NAV3: variants seen among roughly 807,000 people sequenced by gnomAD.
The protein encoded by NAV3 is neuron navigator 3.
A neutral mutation model predicts 244.7 loss-of-function variants in NAV3; 87 were observed. The observed-to-expected ratio is 0.36, with a 90% CI of 0.30 to 0.42. The LOEUF (loss-of-function observed/expected upper bound fraction) is 0.42. Ranked by LOEUF, NAV3 falls within the 20% of genes least tolerant of loss-of-function variation. The probability of loss-of-function intolerance (pLI) is 1.00; values close to 1 mark genes in which losing one functional copy is unlikely to be tolerated. For missense variants in NAV3, 2,663 were observed against 2,893.3 expected, an observed-to-expected ratio of 0.92 and a Z score of 1.83; for synonymous variants, 1,126 against 1,042.2, an observed-to-expected ratio of 1.08 and a Z score of -1.55.
chr12:77,725,989 C>T (rs1041725293), intron 2 of NAV3, among the ~76,000 whole-genome samples: 3 of 151,968 alleles, frequency 2.0e-5, no homozygotes, highest in East Asian at 1.9e-4. Flanking sequence ...TTCTCCACAC[C>T]GAAAGAACAC....
At chr12:78,162,390 A>G (rs1333013827) in intron 23 of NAV3, among the ~76,000 whole-genome samples, 1 of 152,094 alleles carries the variant, frequency 6.6e-6, no homozygotes, top group Non-Finnish European at 1.5e-5. Context: ...CAATATAGAT[A>G]TAGAATGATA....
chr12:77,733,797 G>A (rs897505457), intron 2 of NAV3, among the ~76,000 whole-genome samples: 6 of 143,414 alleles, frequency 4.2e-5, no homozygotes, highest in Non-Finnish European at 3.0e-5. Context: ...CCACTCAACT[G>A]TTTGATAATT....
chr12:78,189,723 A>G (rs538205592), intron 33 of NAV3, among the ~76,000 whole-genome samples: 1 of 152,056 alleles, frequency 6.6e-6, no homozygotes, highest in South Asian at 2.1e-4. Flanking sequence ...AACATAAATG[A>G]AAACAAGAAG....
Position 77,873,679 on chromosome 12 carries a change from G to GTGTGTATATATA in NAV3, c.243+41976_243+41977insGTGTATATATAT, listed in dbSNP as rs540390004. Among the ~76,000 whole-genome samples, 405 of 107,222 alleles carry GTGTGTATATATA rather than the reference G, an allele frequency of 3.8e-3. 14 individuals are homozygous for GTGTGTATATATA. Among genetic ancestry groups the GTGTGTATATATA allele is most frequent in the South Asian group, 7.1e-3 (20 of 2,830 alleles). The allele number at this position is 107,222 out of a possible 152,430, so 70.3% of individuals were successfully genotyped here. A position where few individuals can be genotyped will look rare whatever the true frequency, so the allele number is the denominator to read the frequency against. On this transcript the variant is annotated intron_variant, in intron 1 of 39. Coordinates refer to ENST00000397909, the MANE Select transcript of NAV3 (RefSeq NM_001024383.2). ...TTATATATATACATGATTTGTATGT[G>GTGTGTATATATA]TATATATATATATATATATATATAT...
intron 34 of NAV3, among the ~76,000 whole-genome samples, chr12:78,193,086 G>T (rs1342567210): frequency 6.6e-6 from 1 of 152,184 alleles, no homozygotes; most frequent in Non-Finnish European, 1.5e-5. Context: ...CGCATTTTAT[G>T]CTGTGCCATA....
chr12:78,148,970 A>G, intron 22 of NAV3, 51 bp downstream of exon 22: 1 of 1,444,308 alleles, frequency 6.9e-7, no homozygotes, highest in Non-Finnish European at 9.6e-7. Flanking sequence ...TATAGAGGAA[A>G]ATGAAATCAT....
In NAV3 at chr12:78,212,159, G is replaced by A. The variant is rs1345856304; in HGVS notation, c.*1642G>A. 1 of 152,614 alleles carries A rather than the reference G, an allele frequency of 6.6e-6. No homozygotes were observed. Among genetic ancestry groups the A allele is most frequent in the Non-Finnish European group, 1.5e-5 (1 of 68,050 alleles). 9.5% of individuals were successfully genotyped at this position (152,614 alleles called of 1,614,324 possible). On this transcript the variant is annotated 3_prime_UTR_variant, in exon 40 of 40. Transcript: ENST00000397909. ...ATGAAGCCAATATATTTTTGGATAA[G>A]TAAAACTGTCTGAAAGTACATCTGT...
intron 1 of NAV3, among the ~76,000 whole-genome samples, chr12:77,852,417 C>G (rs1470044840): frequency 6.6e-6 from 1 of 152,032 alleles, no homozygotes; most frequent in Non-Finnish European, 1.5e-5. Flanking sequence ...TGTCTGTAAT[C>G]CCAGCTACTT....
chr12:77,658,804 G>A (rs951336911), intron 2 of NAV3, among the ~76,000 whole-genome samples: 49 of 151,502 alleles, frequency 3.2e-4, no homozygotes, highest in East Asian at 1.5e-3. Flanking sequence ...AAATAACGCC[G>A]CATATCTACA....
chr12:78,026,328 C>T (rs1462978881), intron 9 of NAV3, among the ~76,000 whole-genome samples: 1 of 152,112 alleles, frequency 6.6e-6, no homozygotes, highest in African/African-American at 2.4e-5. Flanking sequence ...CCAAACTGAA[C>T]CTCTGATATT....
intron 12 of NAV3, among the ~76,000 whole-genome samples, chr12:78,108,945 A>G (rs187263524): frequency 6.6e-6 from 1 of 152,152 alleles, no homozygotes; most frequent in Admixed American, 6.6e-5. Context: ...CAGAAGAAAC[A>G]CAATAATAAA....
At chr12:77,908,127 G>C (rs1362400042) in intron 1 of NAV3, among the ~76,000 whole-genome samples, 5 of 152,046 alleles carry the variant, frequency 3.3e-5, no homozygotes, top group Admixed American at 2.0e-4. Context: ...ATAATGAGCT[G>C]TTGTATGTAA....
At chr12:77,596,504 C>T (rs1416170999) in intron 2 of NAV3, among the ~76,000 whole-genome samples, 1 of 151,862 alleles carries the variant, frequency 6.6e-6, no homozygotes, top group East Asian at 1.9e-4. Context: ...AAATTTTATT[C>T]TCAGATTTAT....
intron 2 of NAV3, among the ~76,000 whole-genome samples, chr12:77,634,952 G>A (rs1259987975): frequency 1.3e-5 from 2 of 151,890 alleles, no homozygotes; most frequent in Non-Finnish European, 2.9e-5. Flanking sequence ...CTTGTGGCTG[G>A]GCCTGGTGGC....
chr12:77,809,228 A>G (rs1003822279), intron 2 of NAV3, among the ~76,000 whole-genome samples: 2 of 152,178 alleles, frequency 1.3e-5, no homozygotes, highest in Non-Finnish European at 2.9e-5. Flanking sequence ...TATGAAAAAG[A>G]AATTGCAGCT....
chr12:77,856,913 G>A (rs1048463350), intron 1 of NAV3, among the ~76,000 whole-genome samples: 4 of 152,024 alleles, frequency 2.6e-5, no homozygotes, highest in South Asian at 2.1e-4. Flanking sequence ...TTTGGACAAC[G>A]GAAGGCTAGG....
Position 77,901,105 on chromosome 12 carries a change from T to C in NAV3, c.244-39214T>C, listed in dbSNP as rs551010033. 2.6e-5 allele frequency among the ~76,000 whole-genome samples: 4 copies of C among 152,306 alleles called. No homozygotes were observed. The East Asian group carries it at 5.8e-4, about 22-fold the overall frequency. On this transcript the variant is annotated intron_variant, in intron 1 of 39. Coordinates refer to ENST00000397909, the MANE Select transcript of NAV3 (RefSeq NM_001024383.2). ...TGTTGTTTGCTTTGATTAAGTTCCTTACAGATTCTGGATATTAGGCCTTTG... is the reference window on the plus strand; with the variant it reads ...TGTTGTTTGCTTTGATTAAGTTCCTCACAGATTCTGGATATTAGGCCTTTG...
At chr12:77,658,107 G>A (rs1301781341) in intron 2 of NAV3, among the ~76,000 whole-genome samples, 1 of 152,024 alleles carries the variant, frequency 6.6e-6, no homozygotes, top group Non-Finnish European at 1.5e-5. Context: ...GTTCTGGCCA[G>A]GGCAATTAGG....
chr12:77,815,582 T>G (rs929959063), intron 2 of NAV3, among the ~76,000 whole-genome samples: 1 of 152,172 alleles, frequency 6.6e-6, no homozygotes, highest in Non-Finnish European at 1.5e-5. Context: ...CAAATTATCA[T>G]GTGTATCATC....
Sources: gnomAD v4.1 joint callset for allele counts (sites outside exome capture counted in the v4.1 genomes callset) on GRCh38, gnomAD v4.1.1 for gene constraint, MANE v1.5 for transcripts, NCBI Gene and HGNC (gene_info 2026-07-23, HGNC 2026-07-21) for gene names.